The following GGTA1 variants were observed in gnomAD, a reference collection of about 807,000 sequenced individuals.
GGTA1 encodes glycoprotein alpha-galactosyltransferase 1 (inactive), also known as inactive N-acetyllactosaminide alpha-1,3-galactosyltransferase.
In GGTA1, 5 loss-of-function variants were observed where a neutral mutation model predicts 2.6. The ratio of observed to expected loss-of-function variants is 1.92; its 90% CI spans 1.00 to 4.04. GGTA1 has a LOEUF of 4.04. Among genes scored for constraint, GGTA1 ranks in the 30% most tolerant of loss-of-function variants. The pLI, the probability that GGTA1 is intolerant of heterozygous loss-of-function variation, is 0.00. For synonymous variants in GGTA1, 17 were observed against 5.0 expected (o/e 3.38, Z -3.19); for missense variants, 50 against 16.7 (o/e 2.99, Z -3.47).
intron 1 of GGTA1, among the ~76,000 whole-genome samples, chr9:121,485,303 G>GC (rs1828736241): frequency 6.6e-6 from 1 of 152,110 alleles, no homozygotes; most frequent in African/African-American, 2.4e-5. Context: ...GGAGCCTCCA[G>GC]GAAAACCGTG....
At chr9:121,469,702 C>T (rs752730442) in intron 1 of GGTA1, among the ~76,000 whole-genome samples, 2 of 152,200 alleles carry the variant, frequency 1.3e-5, no homozygotes, top group Non-Finnish European at 2.9e-5. Context: ...AGATAATGTC[C>T]TCTTCTATGA....
chr9:121,457,101 GA>G (rs1318253987), intron 5 of GGTA1, among the ~76,000 whole-genome samples: 1 of 152,254 alleles, frequency 6.6e-6, no homozygotes, highest in Non-Finnish European at 1.5e-5. Flanking sequence ...GGATGAAGTA[GA>G]AAGGATTTCG....
chr9:121,485,498 C>T (rs1828739416), intron 1 of GGTA1, among the ~76,000 whole-genome samples: 4 of 152,298 alleles, frequency 2.6e-5, no homozygotes, highest in African/African-American at 7.2e-5. Flanking sequence ...CTTTGAAATA[C>T]GTGTCTTCCT....
chr9:121,489,406 C>T (rs1828828195), intron 1 of GGTA1, among the ~76,000 whole-genome samples: 1 of 152,126 alleles, frequency 6.6e-6, no homozygotes, highest in African/African-American at 2.4e-5. Flanking sequence ...CTATGTTGCC[C>T]AGTCTGGTCT....
intron 1 of GGTA1, among the ~76,000 whole-genome samples, chr9:121,496,453 G>A (rs944045755): frequency 7.2e-5 from 11 of 151,938 alleles, no homozygotes; most frequent in African/African-American, 1.9e-4. Flanking sequence ...AAGGTAGGCC[G>A]GGCGTGGTGG....
rs915533266 is a variant in GGTA1 at position 121,482,341 on chromosome 9, G to C, written c.-9-14410C>G. ...AAATGAGCTGGGCATAGTGGCATGT[G>C]CCTGTAGTCCAGCTACTCAGAAGAC... On this transcript the variant is annotated intron_variant, in intron 1 of 5. Coordinates refer to ENST00000481799, the MANE Select transcript of GGTA1 (RefSeq NM_001382585.1). 2.4e-4 allele frequency among the ~76,000 whole-genome samples: 36 copies of C among 152,168 alleles called. 1 individual carries two copies. The highest frequency in any genetic ancestry group is 1.3e-4 in the Admixed American group (2 of 15,268).
intron 1 of GGTA1, among the ~76,000 whole-genome samples, chr9:121,475,080 A>G (rs566366526): frequency 6.6e-6 from 1 of 152,270 alleles, no homozygotes; most frequent in Admixed American, 6.5e-5. Flanking sequence ...TGGTTAAGGC[A>G]TTCTAAGTCA....
chr9:121,461,661 C>T lies in GGTA1; in HGVS notation c.117-344G>A, dbSNP rs1351947122. Among the ~76,000 whole-genome samples, 6 of 152,126 alleles carry T rather than the reference C, an allele frequency of 3.9e-5. No individual in the cohort carries two copies. The South Asian group carries it at 6.2e-4, about 16-fold the overall frequency. On this transcript the variant is annotated intron_variant, in intron 3 of 5. Transcript: ENST00000481799. ...CTGTGTGACTGTGATAGGACATTTTCCCTCTCTGAATTTTGACTTTCTCCT... is the reference window on the plus strand; with the variant it reads ...CTGTGTGACTGTGATAGGACATTTTTCCTCTCTGAATTTTGACTTTCTCCT...
chr9:121,492,454 G>GAATTT, intron 1 of GGTA1, among the ~76,000 whole-genome samples: 1 of 152,136 alleles, frequency 6.6e-6, no homozygotes, highest in South Asian at 2.1e-4. Flanking sequence ...CCGAGTTCAG[G>GAATTT]TATTTTATTT....
intron 5 of GGTA1, among the ~76,000 whole-genome samples, chr9:121,458,665 G>T (rs1473494965): frequency 7.8e-6 from 1 of 128,808 alleles, no homozygotes; most frequent in East Asian, 2.1e-4. Flanking sequence ...AATAAATAAA[G>T]GATAAGATAA....
In GGTA1 at chr9:121,497,856, G is replaced by C. The variant is rs1208510876; in HGVS notation, c.-10+1794C>G. Among the ~76,000 whole-genome samples, 3 of 152,304 alleles carry C rather than the reference G, an allele frequency of 2.0e-5. No individual in the cohort carries two copies. The South Asian group carries it at 6.2e-4, about 32-fold the overall frequency. On this transcript the variant is annotated intron_variant, in intron 1 of 5. Coordinates refer to ENST00000481799, the MANE Select transcript of GGTA1 (RefSeq NM_001382585.1). ...GCCAGAAGGCAGCCCTGTGGCCCTG[G>C]AGTTGGAGTGTAGGAGAGCTGGTGG...
chr9:121,445,340 GT>G (rs1269357704), exon 8 of GGTA1: 1 of 152,110 alleles, frequency 6.6e-6, no homozygotes, highest in African/African-American at 2.4e-5. Flanking sequence ...TTTTTGTTTT[GT>G]TTTGTTGGAT....
intron 1 of GGTA1, among the ~76,000 whole-genome samples, chr9:121,481,068 AC>A (rs1431468714): frequency 2.0e-5 from 3 of 148,462 alleles, no homozygotes; most frequent in Non-Finnish European, 4.4e-5. Flanking sequence ...CAGGAGAATC[AC>A]TTGAACCCAG....
chr9:121,456,557 A>C (rs914591466), intron 5 of GGTA1, among the ~76,000 whole-genome samples: 1 of 151,868 alleles, frequency 6.6e-6, no homozygotes, highest in African/African-American at 2.4e-5. Context: ...AGCTGGGATT[A>C]CAGGCATGGG....
downstream of GGTA1, among the ~76,000 whole-genome samples, chr9:121,451,086 T>C (rs1010626178): frequency 6.7e-6 from 1 of 149,754 alleles, no homozygotes; most frequent in Non-Finnish European, 1.5e-5. Context: ...GAAAAAAAAA[T>C]AGGAAAATTG....
intron 1 of GGTA1, among the ~76,000 whole-genome samples, chr9:121,479,661 T>C (rs1828594498): frequency 7.1e-6 from 1 of 141,060 alleles, no homozygotes; most frequent in Non-Finnish European, 1.6e-5. Context: ...TTCAAGTGAC[T>C]GCTCCTAGGA....
At chr9:121,465,267 T>C (rs766404306) in intron 2 of GGTA1, among the ~76,000 whole-genome samples, 2 of 152,212 alleles carry the variant, frequency 1.3e-5, no homozygotes, top group African/African-American at 4.8e-5. Context: ...TCTGATCAAG[T>C]GTTCAAACTC....
intron 1 of GGTA1, among the ~76,000 whole-genome samples, chr9:121,473,039 A>G (rs1406294143): frequency 6.6e-6 from 1 of 152,098 alleles, no homozygotes; most frequent in Non-Finnish European, 1.5e-5. Context: ...AAGACTTACA[A>G]TTGGATGACC....
intron 1 of GGTA1, among the ~76,000 whole-genome samples, chr9:121,468,730 C>T (rs1402307109): frequency 6.6e-6 from 1 of 152,168 alleles, no homozygotes; most frequent in Non-Finnish European, 1.5e-5. Context: ...GCAGATCATG[C>T]CAATTTGGTT....
Sources: allele counts gnomAD v4.1 joint callset (sites outside exome capture counted in the v4.1 genomes callset), GRCh38; gene constraint gnomAD v4.1.1; transcripts MANE v1.5; gene names NCBI Gene and HGNC (gene_info 2026-07-23, HGNC 2026-07-21).